EYS: variants seen among roughly 807,000 people sequenced by gnomAD.
The protein encoded by EYS is EGF-like photoreceptor maintenance factor, also known as protein eyes shut homolog.
A neutral mutation model predicts 282.1 loss-of-function variants in EYS; 250 were observed. The ratio of observed to expected loss-of-function variants is 0.89; its 90% CI spans 0.80 to 0.98. The LOEUF is 0.98. Ranked by LOEUF, EYS falls within the 50% of genes least tolerant of loss-of-function variation. The pLI is 0.00. For synonymous variants in EYS, 1,355 were observed against 1,282.9 expected (o/e 1.06, Z -1.20); for missense variants, 4,016 against 3,709.0 (o/e 1.08, Z -2.15).
intron 31 of EYS, among the ~76,000 whole-genome samples, chr6:64,156,032 GTGTGTGTGTT>G (rs1335166096): frequency 1.3e-5 from 2 of 150,630 alleles, no homozygotes; most frequent in Non-Finnish European, 3.0e-5. Context: ...ATGTGTGTGT[GTGTGTGTGTT>G]TGTGTGTGTG....
intron 26 of EYS, among the ~76,000 whole-genome samples, chr6:64,558,378 C>T (rs1003738141): frequency 1.3e-5 from 2 of 152,046 alleles, no homozygotes; most frequent in East Asian, 1.9e-4. Context: ...ATGCTACTGG[C>T]ATCTAGAGCA....
chr6:65,178,093 T>A (rs1765273380), intron 12 of EYS, among the ~76,000 whole-genome samples: 2 of 151,852 alleles, frequency 1.3e-5, no homozygotes, highest in Admixed American at 1.3e-4. Context: ...TGCAAACAGC[T>A]TACTGGCACC....
At chr6:63,887,321 T>G (rs920742025) in intron 35 of EYS, among the ~76,000 whole-genome samples, 6 of 150,130 alleles carry the variant, frequency 4.0e-5, no homozygotes, top group African/African-American at 1.5e-4. Flanking sequence ...GGTGTTTTTT[T>G]TTTTTTTTTT....
intron 2 of EYS, among the ~76,000 whole-genome samples, chr6:65,526,426 A>G (rs2127302834): frequency 6.6e-6 from 1 of 152,318 alleles, no homozygotes; most frequent in African/African-American, 2.4e-5. Context: ...CTTATCTCTC[A>G]TCACCAAGCA....
chr6:64,643,639 C>T (rs1230838600), intron 22 of EYS, among the ~76,000 whole-genome samples: 2 of 152,178 alleles, frequency 1.3e-5, no homozygotes, highest in East Asian at 1.9e-4. Context: ...CCACAATTCA[C>T]ACATGTCATG....
intron 12 of EYS, among the ~76,000 whole-genome samples, chr6:65,252,442 T>C (rs933098691): frequency 3.3e-5 from 5 of 151,956 alleles, no homozygotes; most frequent in Non-Finnish European, 4.4e-5. Flanking sequence ...AGGGAAGACA[T>C]TGGAATTTGT....
intron 13 of EYS, among the ~76,000 whole-genome samples, chr6:65,049,028 G>A (rs1340480987): frequency 6.6e-6 from 1 of 151,736 alleles, no homozygotes; most frequent in Non-Finnish European, 1.5e-5. Flanking sequence ...TGATAGATGT[G>A]TTAATCTGCT....
At chr6:64,160,373 AT>A (rs1215453548) in intron 31 of EYS, among the ~76,000 whole-genome samples, 1 of 152,124 alleles carries the variant, frequency 6.6e-6, no homozygotes, top group Admixed American at 6.5e-5. Flanking sequence ...TGAGTGTATC[AT>A]TTTTTTCTTA....
intron 2 of EYS, among the ~76,000 whole-genome samples, chr6:65,579,229 A>T (rs181458191): frequency 2.0e-5 from 3 of 152,242 alleles, no homozygotes; most frequent in East Asian, 3.9e-4. Flanking sequence ...TAAGCCAGTT[A>T]CAAGAATCAA....
intron 26 of EYS, among the ~76,000 whole-genome samples, chr6:64,515,762 A>T (rs934846763): frequency 3.3e-5 from 5 of 151,642 alleles, no homozygotes; most frequent in African/African-American, 1.2e-4. Context: ...ATACATTTTT[A>T]AAATGAAGGC....
chr6:63,807,908 G>A (rs1770946339), intron 36 of EYS, among the ~76,000 whole-genome samples: 1 of 152,122 alleles, frequency 6.6e-6, no homozygotes, highest in Non-Finnish European at 1.5e-5. Context: ...ATCATTCAAT[G>A]TTGGCATTAA....
chr6:64,392,886 C>A (rs1475280358), intron 28 of EYS, among the ~76,000 whole-genome samples: 1 of 151,502 alleles, frequency 6.6e-6, no homozygotes, highest in African/African-American at 2.4e-5. Flanking sequence ...GCTAGCAAGA[C>A]TAATAAAGAA....
chr6:64,462,945 T>TTG (rs35557121), intron 26 of EYS, among the ~76,000 whole-genome samples: 29,083 of 134,752 alleles, frequency 0.22, 3,968 homozygotes, highest in East Asian at 0.31. Context: ...AGCTTTAATT[T>TTG]TTTTTTTTTT....
rs773496819 is a variant in EYS at position 65,353,520 on chromosome 6, T to C, written c.1397A>G (p.His466Arg). 112 of 1,613,136 alleles carry C rather than the reference T, an allele frequency of 6.9e-5. No homozygotes were observed. The South Asian group carries it at 1.1e-3, about 16-fold the overall frequency. The change falls in exon 9 of 43, where the codon CAT becomes CGT. Residue 466 changes from histidine (H) to arginine (R), a missense_variant. His to Arg is a conservative substitution (Grantham distance 29). Transcript: ENST00000503581. ...AGGACCTTTATCTTGGCAAATACCATGGAAGGTGACTCCACAGTAGCAGAG... is the reference window on the plus strand; with the variant it reads ...AGGACCTTTATCTTGGCAAATACCACGGAAGGTGACTCCACAGTAGCAGAG... ...QHLCYCGVTFHGICQDKGPAQ... is the reference protein window; with the variant it reads ...QHLCYCGVTFRGICQDKGPAQ...
chr6:65,602,408 T>A (rs192496964), intron 2 of EYS, among the ~76,000 whole-genome samples: 3 of 151,972 alleles, frequency 2.0e-5, no homozygotes, highest in Admixed American at 2.0e-4. Flanking sequence ...ATTTGATTAG[T>A]TGAGGCTTTT....
chr6:65,210,645 A>G (rs1005193089), intron 12 of EYS, among the ~76,000 whole-genome samples: 3 of 151,974 alleles, frequency 2.0e-5, no homozygotes, highest in African/African-American at 7.2e-5. Flanking sequence ...AAAATAAATA[A>G]TAGTGTATTA....
At chr6:64,737,579 T>C (rs1372524755) in intron 22 of EYS, among the ~76,000 whole-genome samples, 3 of 152,216 alleles carry the variant, frequency 2.0e-5, no homozygotes, top group Admixed American at 6.5e-5. Flanking sequence ...GCTGTCACCA[T>C]CTTGAAATTT....
intron 12 of EYS, among the ~76,000 whole-genome samples, chr6:65,149,809 T>A (rs1009846163): frequency 4.6e-5 from 7 of 152,144 alleles, no homozygotes; most frequent in African/African-American, 1.7e-4. Flanking sequence ...ATTGCACTAG[T>A]TTGTTCTCAC....
intron 33 of EYS, among the ~76,000 whole-genome samples, chr6:64,007,899 T>C (rs1157712460): frequency 6.6e-6 from 1 of 152,188 alleles, no homozygotes; most frequent in Non-Finnish European, 1.5e-5. Context: ...GATTGTTTTA[T>C]GGCCAATTTT....
Sources: allele counts gnomAD v4.1 joint callset (sites outside exome capture counted in the v4.1 genomes callset), GRCh38; gene constraint gnomAD v4.1.1; transcripts MANE v1.5; gene names NCBI Gene and HGNC (gene_info 2026-07-23, HGNC 2026-07-21).